Variants in HP1BP3 observed in about 807,000 individuals in gnomAD.
HP1BP3 encodes heterochromatin protein 1-binding protein 3.
In HP1BP3, 12 loss-of-function variants were observed where a neutral mutation model predicts 62.5. The ratio of observed to expected loss-of-function variants is 0.19; its 90% CI spans 0.12 to 0.31. The LOEUF is 0.31. HP1BP3 is among the 10% of genes least tolerant of loss of function. HP1BP3 has a pLI of 1.00. For synonymous variants in HP1BP3, 260 were observed against 237.8 expected, an observed-to-expected ratio of 1.09 and a Z score of -0.86; for missense variants, 502 against 651.8, an observed-to-expected ratio of 0.77 and a Z score of 2.50.
chr1:20,777,064 G>A (rs533646697), intron 3 of HP1BP3, among the ~76,000 whole-genome samples: 6 of 152,086 alleles, frequency 3.9e-5, no homozygotes, highest in African/African-American at 1.4e-4. Context: ...TAAGAAACTA[G>A]CCATTTTATA....
In HP1BP3 at chr1:20,741,950, C is replaced by T. The variant is rs931214022; in HGVS notation, c.*2847G>A. 7.9e-5 allele frequency among the ~76,000 whole-genome samples: 12 copies of T among 152,176 alleles called. No homozygotes were observed. Among genetic ancestry groups the T allele is most frequent in the Admixed American group, 2.0e-4 (3 of 15,284 alleles). On this transcript the variant is annotated 3_prime_UTR_variant, in exon 13 of 13. Transcript: ENST00000438032. The stretch of plus-strand genomic sequence containing the variant: ...TTCTTTTATCTCAATGTAAGTAAGG[C>T]GTATGTCTTTGACAGTTGTGGATGT...
At chr1:20,746,611 T>C (rs2055354281) in intron 11 of HP1BP3, among the ~76,000 whole-genome samples, 1 of 152,230 alleles carries the variant, frequency 6.6e-6, no homozygotes, top group Non-Finnish European at 1.5e-5. Context: ...CAATATATTT[T>C]TTTGTTTCAA....
At position 20,775,717 on chromosome 1, in the gene HP1BP3, T is replaced by C. The variant is rs966322311; in HGVS notation, c.350+880A>G. The C allele has an allele frequency of 5.9e-5, 21 of 357,092 alleles. 1 individual carries two copies. In the South Asian group the frequency reaches 6.7e-4, roughly 11 times the overall value. The allele number at this position is 357,092 out of a possible 1,614,324, so 22.1% of individuals were successfully genotyped here. A position where few individuals can be genotyped will look rare whatever the true frequency, so the allele number is the denominator to read the frequency against. ...CCTTTTCTATGTTTAAATACACAAA[T>C]ACTTACCGTTGTGTTATAACTGCCT... On this transcript the variant is annotated intron_variant, in intron 4 of 12. Coordinates refer to ENST00000438032, the MANE Select transcript of HP1BP3 (RefSeq NM_001372052.1).
At chr1:20,761,925 G>GT (rs1295454179) in intron 8 of HP1BP3, among the ~76,000 whole-genome samples, 3 of 152,182 alleles carry the variant, frequency 2.0e-5, no homozygotes, top group Non-Finnish European at 4.4e-5. Flanking sequence ...AGGGCAGCTG[G>GT]TAAGGACTAT....
chr1:20,750,669 G>A (rs2055678772), intron 9 of HP1BP3, among the ~76,000 whole-genome samples: 1 of 151,842 alleles, frequency 6.6e-6, no homozygotes, highest in Non-Finnish European at 1.5e-5. Context: ...CTTATATGTG[G>A]ATTTTCTTCT....
chr1:20,786,400 G>C (rs2057832574), intron 1 of HP1BP3: 1 of 152,316 alleles, frequency 6.6e-6, no homozygotes, highest in Non-Finnish European at 1.5e-5. Flanking sequence ...CCGCGGGAAG[G>C]ACGGCAAGAG....
chr1:20,749,316 T>C (rs1377719136), intron 10 of HP1BP3, among the ~76,000 whole-genome samples: 1 of 151,976 alleles, frequency 6.6e-6, no homozygotes, highest in Non-Finnish European at 1.5e-5. Context: ...GTTAATACTT[T>C]GACATTAATA....
rs2055706265 is a variant in HP1BP3 at position 20,750,941 on chromosome 1, C to T, written c.982-1059G>A. ...TAAGCAATTCTCCTGCCTCAACTTC[C>T]CGAGTAGCTGGGATTACAGGCGCCC... On this transcript the variant is annotated intron_variant, in intron 9 of 12. Transcript: ENST00000438032. 2.6e-5 allele frequency among the ~76,000 whole-genome samples: 4 copies of T among 151,162 alleles called. No homozygotes were observed. The South Asian group carries it at 8.4e-4, about 32-fold the overall frequency.
intron 10 of HP1BP3, among the ~76,000 whole-genome samples, chr1:20,748,150 A>C (rs943820561): frequency 2.0e-5 from 3 of 152,122 alleles, no homozygotes; most frequent in African/African-American, 4.8e-5. Flanking sequence ...GGTAGCACAT[A>C]AACAGCAGAC....
intron 1 of HP1BP3, among the ~76,000 whole-genome samples, chr1:20,786,956 G>T (rs895200934): frequency 6.6e-6 from 1 of 151,936 alleles, no homozygotes; most frequent in African/African-American, 2.4e-5. Context: ...CGCGCCGGAG[G>T]GCCCCTGAGG....
chr1:20,770,885 C>A, intron 6 of HP1BP3, 45 bp downstream of exon 6: 1 of 1,448,052 alleles, frequency 6.9e-7, no homozygotes, highest in Non-Finnish European at 9.4e-7. Context: ...AGACTTAAAG[C>A]TAATACACAA....
chr1:20,779,890 G>A lies in HP1BP3; in HGVS notation c.118C>T (p.Pro40Ser). The change falls in exon 3 of 13, where the codon CCG becomes TCG. Residue 40 changes from proline to serine, a missense_variant. Pro to Ser is a moderately conservative substitution (Grantham distance 74). This residue lies in a region of HP1BP3 where 165 missense variants were observed against 156.4 expected (regional missense o/e 1.05). Transcript: ENST00000438032. ...LGEKVEDSTM[P>S]IRRTVNSTRE... ...GTAGAATTCACAGTTCGACGAATCG[G>A]CATGGTGCTATCTTCTACCTTCTAA... 1 of 1,612,952 alleles carries A rather than the reference G, an allele frequency of 6.2e-7. No individual in the cohort carries two copies.
intron 8 of HP1BP3, among the ~76,000 whole-genome samples, chr1:20,760,773 T>C (rs1417042750): frequency 6.6e-6 from 1 of 151,874 alleles, no homozygotes; most frequent in Admixed American, 6.6e-5. Context: ...GAGGCGGAGG[T>C]TGCAGTGAGC....
chr1:20,753,174 C>T (rs2055882605), intron 9 of HP1BP3, among the ~76,000 whole-genome samples: 1 of 152,108 alleles, frequency 6.6e-6, no homozygotes, highest in Admixed American at 6.5e-5. Context: ...ATCTCCTGAC[C>T]TCGTGATTCG....
intron 6 of HP1BP3, 95 bp downstream of exon 6, chr1:20,770,835 T>C: frequency 1.1e-6 from 1 of 933,370 alleles, no homozygotes; most frequent in Non-Finnish European, 1.5e-6. Context: ...AACTTATTTT[T>C]AACAAAAAAG....
intron 6 of HP1BP3, 140 bp downstream of exon 6, chr1:20,770,790 A>T: frequency 1.6e-6 from 1 of 628,454 alleles, no homozygotes; most frequent in Non-Finnish European, 2.5e-6. Context: ...CAGATAATTC[A>T]ACTAGGTTAA....
Position 20,743,022 on chromosome 1 carries a change from G to C in HP1BP3, c.*1775C>G, listed in dbSNP as rs2055127994. 1.3e-5 allele frequency: 2 copies of C among 152,450 alleles called. No individual in the cohort carries two copies. Among genetic ancestry groups the C allele is most frequent in the African/African-American group, 2.4e-5 (1 of 41,436 alleles). 9.4% of individuals were successfully genotyped at this position (152,450 alleles called of 1,614,324 possible). On this transcript the variant is annotated 3_prime_UTR_variant, in exon 13 of 13. Transcript: ENST00000438032. ...GAAGAGAAATGATAACCAGAAATTT[G>C]TATTTCTAGCTAGTACTATTTAACA...
intron 1 of HP1BP3, among the ~76,000 whole-genome samples, chr1:20,782,896 T>C (rs1300018866): frequency 8.9e-6 from 1 of 112,664 alleles, no homozygotes; most frequent in Non-Finnish European, 1.7e-5. Context: ...CAAGACTCCT[T>C]CTCAAAAAAA....
At chr1:20,773,850 C>T (rs1024976611) in intron 4 of HP1BP3, 7 of 317,016 alleles carry the variant, frequency 2.2e-5, no homozygotes, top group African/African-American at 1.5e-4. Context: ...CATAAATTAG[C>T]ACTGGTATAA....
Sources: allele counts gnomAD v4.1 joint callset (sites outside exome capture counted in the v4.1 genomes callset), GRCh38; gene constraint gnomAD v4.1.1; regional missense constraint gnomAD v4.1.1; transcripts MANE v1.5; gene names NCBI Gene and HGNC (gene_info 2026-07-23, HGNC 2026-07-21).